BABAM2: variants seen among roughly 807,000 people sequenced by gnomAD.
BABAM2 encodes BRISC and BRCA1 A complex member 2, also known as BRISC and BRCA1-A complex member 2.
BABAM2 carries 31 observed loss-of-function variants against 54.7 expected under a neutral mutation model. That is an observed-to-expected ratio of 0.57 (90% CI 0.43 to 0.77). The LOEUF (loss-of-function observed/expected upper bound fraction) is 0.77, where lower values mean the gene tolerates loss of function less well. Among genes scored for constraint, BABAM2 ranks in the 30% least tolerant of loss-of-function variants. BABAM2 has a pLI of 0.00. For synonymous variants in BABAM2, 167 were observed against 162.9 expected, an observed-to-expected ratio of 1.03 and a Z score of -0.19; for missense variants, 364 against 455.8, an observed-to-expected ratio of 0.80 and a Z score of 1.83.
intron 3 of BABAM2, among the ~76,000 whole-genome samples, chr2:27,964,841 T>C (rs933236480): frequency 1.3e-5 from 2 of 152,218 alleles, no homozygotes; most frequent in Non-Finnish European, 2.9e-5. Context: ...CATTCTGTTC[T>C]TCTAGAAAAT....
At chr2:28,098,177 A>G (rs1045824564) in intron 6 of BABAM2, among the ~76,000 whole-genome samples, 1 of 152,216 alleles carries the variant, frequency 6.6e-6, no homozygotes, top group Non-Finnish European at 1.5e-5. Context: ...TTTTCCCAGC[A>G]TGGAGCAAAT....
rs199681582 is a variant in BABAM2 at position 28,151,575 on chromosome 2, C to CA, written c.680+22203dup. Among the ~76,000 whole-genome samples the CA allele has an allele frequency of 2.9e-3, 432 of 151,320 alleles. 16 individuals carry two copies. The East Asian group carries it at 0.075, about 26-fold the overall frequency. On this transcript the variant is annotated intron_variant, in intron 7 of 11. Transcript: ENST00000379624. ...TGGCGACAAGAGCAAAACTCCATCT[C>CA]AAAAAAAAGAAAAGAAAAGAAAAGA...
At chr2:28,104,439 T>C (rs1001932928) in intron 6 of BABAM2, among the ~76,000 whole-genome samples, 1 of 152,110 alleles carries the variant, frequency 6.6e-6, no homozygotes, top group African/African-American at 2.4e-5. Context: ...CATGAAAAAA[T>C]GCTCACCATC....
intron 3 of BABAM2, among the ~76,000 whole-genome samples, chr2:27,970,555 A>G (rs1439903590): frequency 6.6e-6 from 1 of 152,094 alleles, no homozygotes; most frequent in African/African-American, 2.4e-5. Context: ...CTTCACCCCT[A>G]AGTACTTCAC....
chr2:28,272,840 G>A (rs187572628), intron 10 of BABAM2, among the ~76,000 whole-genome samples: 49 of 152,240 alleles, frequency 3.2e-4, no homozygotes, highest in African/African-American at 1.2e-3. Flanking sequence ...AGGGAGCTGG[G>A]GAAGGCTTGA....
intron 4 of BABAM2, among the ~76,000 whole-genome samples, chr2:27,999,177 T>C (rs1673391850): frequency 1.3e-5 from 2 of 149,790 alleles, no homozygotes; most frequent in South Asian, 2.1e-4. Context: ...CACACTAAGA[T>C]TTTTTTTTTG....
intron 10 of BABAM2, among the ~76,000 whole-genome samples, chr2:28,250,417 A>C (rs1461721620): frequency 6.6e-6 from 1 of 150,748 alleles, no homozygotes; most frequent in African/African-American, 2.4e-5. Flanking sequence ...AATTGCCTTA[A>C]GATTAATAAT....
chr2:28,085,780 A>C (rs951017377), intron 6 of BABAM2, among the ~76,000 whole-genome samples: 1 of 152,168 alleles, frequency 6.6e-6, no homozygotes, highest in African/African-American at 2.4e-5. Flanking sequence ...TGAAAAATTC[A>C]TACCAAAGCA....
At chr2:28,248,146 A>G (rs985451238) in intron 10 of BABAM2, among the ~76,000 whole-genome samples, 3 of 149,134 alleles carry the variant, frequency 2.0e-5, no homozygotes, top group African/African-American at 7.4e-5. Flanking sequence ...TTGCCAAATT[A>G]TGCTTACCTC....
At chr2:28,261,523 C>T (rs1684533403) in intron 10 of BABAM2, among the ~76,000 whole-genome samples, 1 of 151,796 alleles carries the variant, frequency 6.6e-6, no homozygotes, top group East Asian at 1.9e-4. Context: ...TTAGTAGAGA[C>T]AGTGTTTCAT....
chr2:27,926,757 G>A (rs1423011787), intron 2 of BABAM2, among the ~76,000 whole-genome samples: 1 of 151,980 alleles, frequency 6.6e-6, no homozygotes, highest in Non-Finnish European at 1.5e-5. Context: ...AAAAAAATCA[G>A]TGAATGAAAC....
chr2:28,090,375 G>C (rs1265864475), intron 6 of BABAM2, among the ~76,000 whole-genome samples: 1 of 152,126 alleles, frequency 6.6e-6, no homozygotes, highest in Non-Finnish European at 1.5e-5. Context: ...CTCCTGAGTA[G>C]CTGGGAGTAC....
intron 6 of BABAM2, among the ~76,000 whole-genome samples, chr2:28,093,442 A>G (rs150137116): frequency 1.6e-3 from 240 of 152,256 alleles, no homozygotes; most frequent in African/African-American, 5.6e-3. Flanking sequence ...AGTCACTACC[A>G]TCTTAGCTGA....
intron 7 of BABAM2, among the ~76,000 whole-genome samples, chr2:28,181,794 TAA>T (rs1349037134): frequency 3.3e-5 from 5 of 149,476 alleles, no homozygotes; most frequent in Admixed American, 6.7e-5. Context: ...ATTTTTTTTT[TAA>T]AAAAAAAAGA....
At chr2:28,068,980 T>G (rs1663875055) in intron 6 of BABAM2, among the ~76,000 whole-genome samples, 1 of 152,210 alleles carries the variant, frequency 6.6e-6, no homozygotes, top group Non-Finnish European at 1.5e-5. Flanking sequence ...TACAGCTTAA[T>G]TACATTTTCA....
At chr2:28,284,435 AAAAG>A (rs1686630592) in intron 10 of BABAM2, among the ~76,000 whole-genome samples, 1 of 152,154 alleles carries the variant, frequency 6.6e-6, no homozygotes, top group African/African-American at 2.4e-5. Context: ...GGTTAGCAAA[AAAAG>A]AAAGAGCCTT....
At chr2:28,095,238 A>G (rs1666507346) in intron 6 of BABAM2, among the ~76,000 whole-genome samples, 1 of 152,162 alleles carries the variant, frequency 6.6e-6, no homozygotes, top group Admixed American at 6.5e-5. Flanking sequence ...AAGCCAGGAC[A>G]TATATCCAGG....
intron 7 of BABAM2, among the ~76,000 whole-genome samples, chr2:28,159,272 G>T (rs2147804792): frequency 6.6e-6 from 1 of 152,274 alleles, no homozygotes; most frequent in Non-Finnish European, 1.5e-5. Flanking sequence ...AAGAAGAGTA[G>T]AGTCTACTGG....
chr2:27,893,851 G>A (rs1183443873), intron 1 of BABAM2, among the ~76,000 whole-genome samples: 2 of 151,966 alleles, frequency 1.3e-5, no homozygotes, highest in African/African-American at 4.8e-5. Context: ...AAAATTAGCT[G>A]GGCGTGGTGG....
Sources: allele counts gnomAD v4.1 joint callset (sites outside exome capture counted in the v4.1 genomes callset), GRCh38; gene constraint gnomAD v4.1.1; transcripts MANE v1.5; gene names NCBI Gene and HGNC (gene_info 2026-07-23, HGNC 2026-07-21).